Variants in APOOL observed in about 807,000 individuals in gnomAD.
APOOL encodes apolipoprotein O like.
Under a neutral mutation model 23.1 loss-of-function variants are expected in APOOL, and 12 were observed. The ratio of observed to expected loss-of-function variants is 0.52; its 90% confidence interval spans 0.33 to 0.84. APOOL has a LOEUF of 0.84. APOOL is among the 40% of genes least tolerant of loss of function. The pLI, the probability that APOOL is intolerant of heterozygous loss-of-function variation, is 0.02. For missense variants in APOOL, 212 were observed against 199.6 expected (o/e 1.06, Z -0.37); for synonymous variants, 77 against 69.9 (o/e 1.10, Z -0.51).
At chrX:85,079,783 C>T (rs58615930) in intron 8 of APOOL, among the ~76,000 whole-genome samples, 1 of 111,287 alleles carries the variant, frequency 9.0e-6, no homozygotes, top group African/African-American at 3.3e-5. Context: ...TTATTGGTCT[C>T]TTCAGAGATT....
chrX:85,085,067 A>C (rs1280563871), intron 8 of APOOL, among the ~76,000 whole-genome samples: 6 of 112,015 alleles, frequency 5.4e-5, no homozygotes, highest in African/African-American at 1.9e-4. Context: ...TAATGTTTTC[A>C]AATGCAGAAA....
intron 6 of APOOL, among the ~76,000 whole-genome samples, chrX:85,068,580 A>G (rs1017523693): frequency 4.6e-5 from 5 of 107,542 alleles, no homozygotes; most frequent in African/African-American, 1.7e-4. Flanking sequence ...TAATTTTTGT[A>G]TTTTTAGTAG....
At chrX:85,042,748 G>T (rs1261298786) in intron 1 of APOOL, among the ~76,000 whole-genome samples, 1 of 111,784 alleles carries the variant, frequency 8.9e-6, no homozygotes, top group Non-Finnish European at 1.9e-5. Context: ...GACCAAGTAG[G>T]ATTTATCCTA....
At chrX:85,087,480 G>C (rs920350533) in intron 8 of APOOL, 110 bp from the exon 9 acceptor site, 20 of 582,596 alleles carry the variant, frequency 3.4e-5, no homozygotes, top group Non-Finnish European at 4.9e-5. Context: ...TCAAATGTTA[G>C]GTCTGTGTCA....
chrX:85,063,368 C>T (rs1461776602), intron 5 of APOOL, among the ~76,000 whole-genome samples: 1 of 110,952 alleles, frequency 9.0e-6, no homozygotes, highest in Non-Finnish European at 1.9e-5. Context: ...TTTATCTTGC[C>T]TAATTGCCCT....
chrX:85,033,975 G>T (rs1291304753), intron 1 of APOOL, among the ~76,000 whole-genome samples: 2 of 111,248 alleles, frequency 1.8e-5, no homozygotes, highest in Non-Finnish European at 3.8e-5. Context: ...ATCAGAAGTG[G>T]CCAACTGGAG....
intron 5 of APOOL, among the ~76,000 whole-genome samples, chrX:85,066,159 G>T (rs1923447152): frequency 8.9e-6 from 1 of 111,853 alleles, no homozygotes; most frequent in South Asian, 3.7e-4. Context: ...TGTATAAGCT[G>T]CTTCAGATCA....
At chrX:85,015,436 TCTC>T (rs1921431949) in intron 1 of APOOL, among the ~76,000 whole-genome samples, 1 of 111,196 alleles carries the variant, frequency 9.0e-6, no homozygotes, top group Admixed American at 9.5e-5. Flanking sequence ...TCTGGTTTCT[TCTC>T]ATTTGTGTAG....
At chrX:85,074,509 A>G in intron 8 of APOOL, 118 bp downstream of exon 8, 3 of 867,001 alleles carry the variant, frequency 3.5e-6, no homozygotes, top group Non-Finnish European at 4.8e-6. Context: ...TCTTTCTCAT[A>G]TCTGTGGTTT....
chrX:85,039,941 A>G (rs997375168), intron 1 of APOOL, among the ~76,000 whole-genome samples: 1 of 111,812 alleles, frequency 8.9e-6, no homozygotes, highest in African/African-American at 3.3e-5. Flanking sequence ...TCCTGTCATC[A>G]TGTTGTTAGC....
At chrX:85,064,427 C>A (rs898183856) in intron 5 of APOOL, among the ~76,000 whole-genome samples, 1 of 104,325 alleles carries the variant, frequency 9.6e-6, no homozygotes, top group African/African-American at 3.5e-5. Context: ...GCTAGGTCTG[C>A]GGTTTGTTGG....
At chrX:85,006,638 T>TATCTAGAG (rs1167997802) in intron 1 of APOOL, among the ~76,000 whole-genome samples, 1 of 110,496 alleles carries the variant, frequency 9.1e-6, no homozygotes, top group Non-Finnish European at 1.9e-5. Context: ...TACCAGGAGG[T>TATCTAGAG]ATCTAGAGGG....
At chrX:85,015,143 A>G (rs1921421951) in intron 1 of APOOL, among the ~76,000 whole-genome samples, 1 of 110,792 alleles carries the variant, frequency 9.0e-6, no homozygotes. Context: ...TTTATATTTC[A>G]CTAAGCATGT....
rs1005813359 is a variant in APOOL at position 85,058,692 on chromosome X, C to T, written c.394+2767C>T. Among the ~76,000 whole-genome samples, 5 of 111,423 alleles carry T rather than the reference C, an allele frequency of 4.5e-5. No homozygotes were observed. The East Asian group carries it at 1.4e-3, about 32-fold the overall frequency. On this transcript the variant is annotated intron_variant, in intron 5 of 8. Transcript: ENST00000373173. ...TTGAACTAATTTACATCCCCACCAA[C>T]AGTGTAAAAGTGTTCGTTTCTCTCC...
At chrX:85,037,554 A>C (rs751297233) in intron 1 of APOOL, among the ~76,000 whole-genome samples, 11 of 111,338 alleles carry the variant, frequency 9.9e-5, no homozygotes, top group Non-Finnish European at 2.1e-4. Flanking sequence ...CAGTGTGAAA[A>C]CAGACTAGTA....
intron 1 of APOOL, among the ~76,000 whole-genome samples, chrX:85,018,674 T>C: frequency 9.0e-6 from 1 of 111,136 alleles, no homozygotes; most frequent in Non-Finnish European, 1.9e-5. Flanking sequence ...TGTTTGAAGC[T>C]CTCTTTTACA....
chrX:85,055,681 A>G (rs1432259777), intron 4 of APOOL, 146 bp from the exon 5 acceptor site: 3 of 368,760 alleles, frequency 8.1e-6, no homozygotes, highest in Non-Finnish European at 1.3e-5. Flanking sequence ...CTTGCTACTC[A>G]TATTGTCATT....
At position 85,089,696 on chromosome X, in the gene APOOL, CTAGTTA is replaced by C. The variant is rs1447407793; in HGVS notation, c.*2021_*2026del. The C allele has an allele frequency of 2.7e-5, 3 of 111,270 alleles. No homozygotes were observed. Among genetic ancestry groups the C allele is most frequent in the Non-Finnish European group, 5.6e-5 (3 of 53,116 alleles). The allele number at this position is 111,270 out of a possible 1,213,427, so 9.2% of individuals were successfully genotyped here. On this transcript the variant is annotated 3_prime_UTR_variant, in exon 9 of 9. Coordinates refer to ENST00000373173, the MANE Select transcript of APOOL (RefSeq NM_198450.6). ...TGCTGTAGACCTTTATTTCTACTTA[CTAGTTA>C]TATTCACCTAACATCCCATAGATAT...
chrX:85,026,661 C>A (rs1443267189), intron 1 of APOOL, among the ~76,000 whole-genome samples: 1 of 111,619 alleles, frequency 9.0e-6, no homozygotes, highest in Admixed American at 9.5e-5. Flanking sequence ...TTTTTTTCTA[C>A]CAGATAGGCT....
Sources: allele counts gnomAD v4.1 joint callset (sites outside exome capture counted in the v4.1 genomes callset), GRCh38; gene constraint gnomAD v4.1.1; transcripts MANE v1.5; gene names NCBI Gene and HGNC (gene_info 2026-07-23, HGNC 2026-07-21).